The following SYNPR variants were observed in gnomAD, a reference collection of about 807,000 sequenced individuals.
SYNPR encodes the protein synaptoporin.
Under a neutral mutation model 32.9 loss-of-function variants are expected in SYNPR, and 23 were observed. The observed-to-expected ratio is 0.70, with a 90% confidence interval of 0.50 to 0.99. SYNPR has a LOEUF of 0.99. SYNPR is among the 50% of genes least tolerant of loss of function. The pLI is 0.00. For synonymous variants in SYNPR, 146 were observed against 135.9 expected, an observed-to-expected ratio of 1.07 and a Z score of -0.52; for missense variants, 318 against 349.3, an observed-to-expected ratio of 0.91 and a Z score of 0.71.
At chr3:63,396,318 G>A (rs535258523) in intron 2 of SYNPR, among the ~76,000 whole-genome samples, 50 of 152,118 alleles carry the variant, frequency 3.3e-4, no homozygotes, top group African/African-American at 1.1e-3. Flanking sequence ...CAAGAGCTCC[G>A]TTTCTGACAA....
chr3:63,373,657 A>G (rs1481351421), intron 2 of SYNPR, among the ~76,000 whole-genome samples: 1 of 152,234 alleles, frequency 6.6e-6, no homozygotes, highest in African/African-American at 2.4e-5. Context: ...GAAAACATGT[A>G]TCAGGATATC....
intron 3 of SYNPR, among the ~76,000 whole-genome samples, chr3:63,522,362 T>C (rs1559525389): frequency 6.6e-6 from 1 of 152,230 alleles, no homozygotes; most frequent in African/African-American, 2.4e-5. Context: ...ACCACTATTA[T>C]TGCTACTACG....
chr3:63,458,026 T>A (rs1700516526), intron 2 of SYNPR, among the ~76,000 whole-genome samples: 1 of 152,170 alleles, frequency 6.6e-6, no homozygotes. Flanking sequence ...TACCTTGTCT[T>A]CCTAATCCCA....
chr3:63,583,403 T>C (rs1275832837), intron 4 of SYNPR, among the ~76,000 whole-genome samples: 1 of 152,096 alleles, frequency 6.6e-6, no homozygotes, highest in African/African-American at 2.4e-5. Flanking sequence ...TTATAAAATA[T>C]AAGGTTATAA....
rs76622604 is a variant in SYNPR, at chr3:63,469,822, C to T, written c.85-11010C>T. ...ATTAAATAAGCAGGTCAAAAATGTT[C>T]TTCCACTTTATAGTCTCTGTAAATA... On this transcript the variant is annotated intron_variant, in intron 2 of 5. Transcript: ENST00000478300. 6.2e-3 allele frequency among the ~76,000 whole-genome samples: 940 copies of T among 152,304 alleles called. 3 individuals are homozygous for T. The highest frequency in any genetic ancestry group is 9.3e-3 in the Non-Finnish European group (630 of 68,008).
chr3:63,336,149 A>G (rs1433343351), intron 2 of SYNPR, among the ~76,000 whole-genome samples: 1 of 152,178 alleles, frequency 6.6e-6, no homozygotes, highest in Non-Finnish European at 1.5e-5. Context: ...TGCAGTGACA[A>G]AAAATATTTA....
At position 63,549,826 on chromosome 3, in the gene SYNPR, A is replaced by AT. The variant is rs199845146; in HGVS notation, c.210-6708dup. 4.0e-3 allele frequency among the ~76,000 whole-genome samples: 612 copies of AT among 151,502 alleles called. 4 individuals are homozygous for AT. Among genetic ancestry groups the AT allele is most frequent in the African/African-American group, 0.013 (544 of 41,342 alleles). ...TGACTCCATTTAAACATTGGTACAT[A>AT]TTTTTTTTTAAAAGAAACCACTCTA... On this transcript the variant is annotated intron_variant, in intron 3 of 5. Coordinates refer to ENST00000478300, the MANE Select transcript of SYNPR (RefSeq NM_001130003.2).
intron 2 of SYNPR, among the ~76,000 whole-genome samples, chr3:63,352,635 CT>C (rs1202522671): frequency 6.6e-6 from 1 of 152,142 alleles, no homozygotes; most frequent in Non-Finnish European, 1.5e-5. Flanking sequence ...ATGGAGAATC[CT>C]TTATGTATTA....
At chr3:63,533,991 C>T (rs1204592450) in intron 3 of SYNPR, among the ~76,000 whole-genome samples, 2 of 152,082 alleles carry the variant, frequency 1.3e-5, no homozygotes. Flanking sequence ...AATTAGAAAA[C>T]TACTTTAAGG....
At chr3:63,263,934 A>G (rs1212924697) in intron 2 of SYNPR, among the ~76,000 whole-genome samples, 1 of 152,222 alleles carries the variant, frequency 6.6e-6, no homozygotes, top group Non-Finnish European at 1.5e-5. Flanking sequence ...GCCGTGTTTC[A>G]AAACTGCCAC....
intron 2 of SYNPR, among the ~76,000 whole-genome samples, chr3:63,432,143 C>T (rs1173489277): frequency 6.6e-6 from 1 of 152,204 alleles, no homozygotes; most frequent in Non-Finnish European, 1.5e-5. Flanking sequence ...CCAGAGCACC[C>T]CAGTGAGGTA....
chr3:63,598,918 G>T (rs1034833171), intron 4 of SYNPR, among the ~76,000 whole-genome samples: 5 of 152,148 alleles, frequency 3.3e-5, no homozygotes, highest in African/African-American at 1.2e-4. Context: ...TAAACAATTG[G>T]ATTCTTGTTT....
At chr3:63,434,101 T>G (rs1700038427) in intron 2 of SYNPR, among the ~76,000 whole-genome samples, 1 of 152,120 alleles carries the variant, frequency 6.6e-6, no homozygotes, top group Non-Finnish European at 1.5e-5. Flanking sequence ...ACACTCTACG[T>G]TTCATAAACT....
At chr3:63,551,674 TG>T (rs1702502125) in intron 3 of SYNPR, among the ~76,000 whole-genome samples, 1 of 152,296 alleles carries the variant, frequency 6.6e-6, no homozygotes, top group South Asian at 2.1e-4. Flanking sequence ...ACTTTTCATC[TG>T]GGTAATTCCT....
intron 2 of SYNPR, among the ~76,000 whole-genome samples, chr3:63,346,085 G>A (rs888661681): frequency 6.6e-6 from 1 of 152,118 alleles, no homozygotes. Flanking sequence ...AAAATGCTAG[G>A]ATTACAGGTG....
At chr3:63,376,753 C>A (rs1267375529) in intron 2 of SYNPR, among the ~76,000 whole-genome samples, 1 of 152,130 alleles carries the variant, frequency 6.6e-6, no homozygotes, top group African/African-American at 2.4e-5. Context: ...ATTGTCTCAT[C>A]TGGAGTAGCC....
intron 3 of SYNPR, among the ~76,000 whole-genome samples, chr3:63,527,424 T>C (rs1474698796): frequency 2.6e-5 from 4 of 151,986 alleles, no homozygotes; most frequent in Non-Finnish European, 5.9e-5. Context: ...ATTCCCGTAA[T>C]AAATATGCAA....
At chr3:63,420,204 A>G (rs758723908) in intron 2 of SYNPR, among the ~76,000 whole-genome samples, 7 of 152,336 alleles carry the variant, frequency 4.6e-5, no homozygotes, top group Non-Finnish European at 8.8e-5. Context: ...TATTTCAGGT[A>G]TCCTGGTAAA....
chr3:63,270,452 G>C (rs560785950), intron 3 of SYNPR, among the ~76,000 whole-genome samples: 1 of 152,190 alleles, frequency 6.6e-6, no homozygotes, highest in Non-Finnish European at 1.5e-5. Flanking sequence ...GACATACACC[G>C]ATTGAGAATG....
Sources: gnomAD v4.1 joint callset for allele counts (sites outside exome capture counted in the v4.1 genomes callset) on GRCh38, gnomAD v4.1.1 for gene constraint, MANE v1.5 for transcripts, NCBI Gene and HGNC (gene_info 2026-07-23, HGNC 2026-07-21) for gene names.